The following FSTL4 variants were observed in gnomAD, a reference collection of about 807,000 sequenced individuals.
FSTL4 encodes follistatin like 4, also known as follistatin-related protein 4.
A neutral mutation model predicts 78.2 loss-of-function variants in FSTL4; 28 were observed. That is an observed-to-expected ratio of 0.36 (90% CI 0.27 to 0.49). The LOEUF is 0.49. FSTL4 is among the 20% of genes least tolerant of loss of function. FSTL4 has a pLI of 0.98. For synonymous variants in FSTL4, 422 were observed against 440.5 expected (o/e 0.96, Z 0.53); for missense variants, 922 against 1,084.9 (o/e 0.85, Z 2.11).
intron 6 of FSTL4, among the ~76,000 whole-genome samples, chr5:133,266,096 C>T (rs80043650): frequency 0.013 from 1,980 of 152,378 alleles, 41 homozygotes; most frequent in African/African-American, 0.045. Context: ...AGCCCCGAAT[C>T]CCACTGCCTG....
At chr5:133,809,600 C>T in the FSTL4 span, among the ~76,000 whole-genome samples, 106 of 146,052 alleles carry the variant, frequency 7.3e-4, no homozygotes, top group Non-Finnish European at 1.4e-3. Flanking sequence ...CAGGATAGCA[C>T]CAAAAATGGA....
At chr5:133,736,587 G>T in the FSTL4 span, among the ~76,000 whole-genome samples, 1 of 152,188 alleles carries the variant, frequency 6.6e-6, no homozygotes, top group African/African-American at 2.4e-5. Context: ...GATGCACAAG[G>T]AGCAGGTGGC....
intron 3 of FSTL4, among the ~76,000 whole-genome samples, chr5:133,518,102 T>C (rs1758902090): frequency 6.6e-6 from 1 of 152,198 alleles, no homozygotes; most frequent in Admixed American, 6.5e-5. Context: ...AAGCACTTTA[T>C]ATGCATATAA....
the FSTL4 span, among the ~76,000 whole-genome samples, chr5:133,669,457 A>G: frequency 6.6e-6 from 1 of 152,192 alleles, no homozygotes. Flanking sequence ...AAAACAGAAG[A>G]AGTTCACAGG....
At chr5:133,781,963 T>C in the FSTL4 span, among the ~76,000 whole-genome samples, 3 of 152,242 alleles carry the variant, frequency 2.0e-5, no homozygotes, top group African/African-American at 7.2e-5. Flanking sequence ...GATTTCCACA[T>C]TGATCTCCTG....
chr5:133,627,757 A>C, the FSTL4 span, among the ~76,000 whole-genome samples: 2 of 151,934 alleles, frequency 1.3e-5, no homozygotes, highest in Non-Finnish European at 2.9e-5. Context: ...GCTTAAGCCT[A>C]CCATTTTATT....
At chr5:133,242,530 G>A (rs760522998) in intron 7 of FSTL4, among the ~76,000 whole-genome samples, 2 of 152,086 alleles carry the variant, frequency 1.3e-5, no homozygotes, top group Non-Finnish European at 2.9e-5. Flanking sequence ...TGAGGCCAGG[G>A]CTTCCCCTAA....
intron 3 of FSTL4, among the ~76,000 whole-genome samples, chr5:133,517,447 A>AAAAAAAAAAATATATATATATATATATAT (rs1554068019): frequency 2.4e-4 from 4 of 16,396 alleles, no homozygotes; most frequent in Admixed American, 1.1e-3. Context: ...AAAAAAAAAA[A>AAAAAAAAAAATATATATATATATATATAT]ATATATATAT....
At chr5:133,472,285 G>A (rs1441374271) in intron 3 of FSTL4, among the ~76,000 whole-genome samples, 2 of 152,194 alleles carry the variant, frequency 1.3e-5, no homozygotes, top group African/African-American at 4.8e-5. Context: ...AAATATGTGA[G>A]TAATAGAAAG....
the FSTL4 span, among the ~76,000 whole-genome samples, chr5:133,669,549 C>T: frequency 2.7e-4 from 41 of 152,332 alleles, no homozygotes; most frequent in Admixed American, 3.3e-4. Flanking sequence ...CCCAGCAGCT[C>T]GGCTTGGCAG....
chr5:133,654,922 C>T, the FSTL4 span, among the ~76,000 whole-genome samples: 9 of 152,166 alleles, frequency 5.9e-5, no homozygotes, highest in African/African-American at 2.2e-4. Context: ...GTGATCACAT[C>T]TCCTTCCACT....
chr5:133,795,810 A>G, the FSTL4 span, among the ~76,000 whole-genome samples: 2 of 152,200 alleles, frequency 1.3e-5, no homozygotes, highest in South Asian at 4.1e-4. Flanking sequence ...CATGCAGCCT[A>G]AATTCCCCAT....
chr5:133,561,716 T>C (rs910391666), intron 3 of FSTL4, among the ~76,000 whole-genome samples: 5 of 152,196 alleles, frequency 3.3e-5, no homozygotes, highest in Non-Finnish European at 5.9e-5. Flanking sequence ...CAACTCAGAA[T>C]TGGGACTGAT....
At chr5:133,384,964 C>T (rs897185436) in intron 4 of FSTL4, among the ~76,000 whole-genome samples, 2 of 152,204 alleles carry the variant, frequency 1.3e-5, no homozygotes, top group Non-Finnish European at 2.9e-5. Flanking sequence ...TTTCTCTAAC[C>T]CATTTCTCAT....
chr5:133,367,245 A>G (rs1561688568), intron 4 of FSTL4, among the ~76,000 whole-genome samples: 2 of 152,248 alleles, frequency 1.3e-5, no homozygotes, highest in South Asian at 4.1e-4. Flanking sequence ...CAAGTCAGCC[A>G]GTAATCCCTG....
the FSTL4 span, among the ~76,000 whole-genome samples, chr5:133,767,013 G>A: frequency 1.3e-5 from 2 of 152,194 alleles, no homozygotes; most frequent in African/African-American, 4.8e-5. Context: ...CAGAGGCTCT[G>A]GTGAGGAGAC....
At chr5:133,340,963 G>C (rs1209883717) in intron 4 of FSTL4, among the ~76,000 whole-genome samples, 1 of 151,564 alleles carries the variant, frequency 6.6e-6, no homozygotes, top group Non-Finnish European at 1.5e-5. Flanking sequence ...AAGCTTTTAG[G>C]GTAAGTGGAT....
the FSTL4 span, among the ~76,000 whole-genome samples, chr5:133,840,821 G>T: frequency 6.6e-6 from 1 of 152,204 alleles, no homozygotes; most frequent in African/African-American, 2.4e-5. Flanking sequence ...TTCTGCAGGG[G>T]GACCCCTCTC....
the FSTL4 span, among the ~76,000 whole-genome samples, chr5:133,763,325 C>A: frequency 6.6e-6 from 1 of 152,216 alleles, no homozygotes; most frequent in Non-Finnish European, 1.5e-5. Context: ...CCTTCAACAT[C>A]TTGGAATTAA....
Sources: gnomAD v4.1 joint callset for allele counts (sites outside exome capture counted in the v4.1 genomes callset) on GRCh38, gnomAD v4.1.1 for gene constraint, MANE v1.5 for transcripts, NCBI Gene and HGNC (gene_info 2026-07-23, HGNC 2026-07-21) for gene names.